Variants in RUFY1 observed in about 807,000 individuals in gnomAD.
The protein encoded by RUFY1 is RUN and FYVE domain containing 1.
Under a neutral mutation model 94.6 loss-of-function variants are expected in RUFY1, and 54 were observed. The observed-to-expected ratio is 0.57, with a 90% confidence interval of 0.46 to 0.72. The LOEUF is 0.72. Ranked by LOEUF, RUFY1 falls within the 30% of genes least tolerant of loss-of-function variation. The pLI is 0.00. For missense variants in RUFY1, 883 were observed against 883.9 expected (o/e 1.00, Z 0.01); for synonymous variants, 396 against 347.3 (o/e 1.14, Z -1.56).
At chr5:179,555,959 A>C (rs1472211292) in intron 1 of RUFY1, among the ~76,000 whole-genome samples, 1 of 152,018 alleles carries the variant, frequency 6.6e-6, no homozygotes, top group Non-Finnish European at 1.5e-5. Flanking sequence ...CGGCCTCCCA[A>C]AGTGCTGGGA....
intron 13 of RUFY1, 105 bp downstream of exon 13, chr5:179,596,786 G>GC (rs1365724970): frequency 2.8e-6 from 1 of 358,052 alleles, no homozygotes; most frequent in East Asian, 9.3e-5. Flanking sequence ...AGGAGGGGGG[G>GC]CGGGGGGGCA....
rs1389773445 is a variant in RUFY1, at chr5:179,562,617, A to G, written c.555A>G (p.Pro185=). The G allele has an allele frequency of 1.9e-6, 3 of 1,610,438 alleles. No homozygotes were observed. Among genetic ancestry groups the G allele is most frequent in the Non-Finnish European group, 2.5e-6 (3 of 1,176,586 alleles). ...TGGAGCTGGTGGAGAAACTTTGTCC[A>G]GAAGCATCAGATATAGCGACTAGTG... ...GPLELVEKLC[P]EASDIATSVR... The change falls in exon 3 of 18, where the codon CCA becomes CCG. Residue 185 remains proline (P), a synonymous_variant. Coordinates refer to ENST00000319449, the MANE Select transcript of RUFY1 (RefSeq NM_025158.5).
At chr5:179,607,509 G>A in intron 16 of RUFY1, 73 bp from the exon 17 acceptor site, 2 of 1,249,250 alleles carry the variant, frequency 1.6e-6, no homozygotes, top group South Asian at 2.4e-5. Context: ...CAATGGATGT[G>A]GCCAGAACGC....
At position 179,609,977 on chromosome 5, in the gene RUFY1, T is replaced by A. The variant is rs1156889254; in HGVS notation, c.*458T>A. The stretch of plus-strand genomic sequence containing the variant: ...GCCATTTCATGCCCTTGTGACTACC[T>A]ATCATTGGCCCTGCAATAAAATCAT... On this transcript the variant is annotated 3_prime_UTR_variant, in exon 18 of 18. Coordinates refer to ENST00000319449, the MANE Select transcript of RUFY1 (RefSeq NM_025158.5). The A allele has an allele frequency of 6.5e-6, 1 of 154,306 alleles. No individual in the cohort carries two copies. Among genetic ancestry groups the A allele is most frequent in the Non-Finnish European group, 1.4e-5 (1 of 69,284 alleles). 9.6% of individuals were successfully genotyped at this position (154,306 alleles called of 1,614,324 possible). A position where few individuals can be genotyped will look rare whatever the true frequency, so the allele number is the denominator to read the frequency against.
intron 5 of RUFY1, among the ~76,000 whole-genome samples, chr5:179,571,170 A>G (rs1227347044): frequency 6.6e-6 from 1 of 152,234 alleles, no homozygotes; most frequent in Non-Finnish European, 1.5e-5. Flanking sequence ...TTATGTAACC[A>G]GTACCTTATT....
intron 5 of RUFY1, among the ~76,000 whole-genome samples, chr5:179,574,832 G>A (rs1230500014): frequency 5.9e-5 from 9 of 152,146 alleles, no homozygotes; most frequent in Non-Finnish European, 1.2e-4. Flanking sequence ...TACTTTGGGA[G>A]TAGGGCTTTA....
intron 2 of RUFY1, 152 bp from the exon 3 acceptor site, chr5:179,562,395 G>A (rs1283387591): frequency 1.6e-6 from 1 of 609,770 alleles, no homozygotes; most frequent in Non-Finnish European, 3.0e-6. Context: ...AGTAGAGTAA[G>A]ACTCCATCTC....
intron 5 of RUFY1, among the ~76,000 whole-genome samples, chr5:179,574,311 C>T (rs2127530685): frequency 6.6e-6 from 1 of 152,268 alleles, no homozygotes; most frequent in South Asian, 2.1e-4. Flanking sequence ...AGGAGAATCG[C>T]TGGAACCTGG....
Position 179,596,578 on chromosome 5 carries a change from C to G in RUFY1, c.1528C>G (p.Arg510Gly). ...QMEERLQHSERARQGAEERSH... is the reference protein window; with the variant it reads ...QMEERLQHSEGARQGAEERSH... ...CGCATCCAGGTTGCAGCACTCGGAG[C>G]GGGCGAGGCAGGGGGCTGAGGAGCG... Residue 510 changes from arginine (R) to glycine (G), a missense_variant, in exon 13 of 18, where the codon CGG becomes GGG. By Grantham distance (125) the Arg-to-Gly change is moderately radical. Transcript: ENST00000319449. 1 of 1,613,598 alleles carries G rather than the reference C, an allele frequency of 6.2e-7. No homozygotes were observed. Among genetic ancestry groups the G allele is most frequent in the Non-Finnish European group, 8.5e-7 (1 of 1,179,970 alleles).
chr5:179,580,735 C>T (rs1048439237), intron 6 of RUFY1, among the ~76,000 whole-genome samples: 2 of 152,030 alleles, frequency 1.3e-5, no homozygotes, highest in African/African-American at 2.4e-5. Flanking sequence ...AGCCCACTCT[C>T]CTGGCAGCCT....
chr5:179,607,788 G>T, intron 17 of RUFY1, 129 bp downstream of exon 17: 1 of 755,236 alleles, frequency 1.3e-6, no homozygotes, highest in Non-Finnish European at 2.2e-6. Context: ...TGTGGCAGAT[G>T]GGCAGCCCCG....
chr5:179,552,171 A>AAAAAAAC (rs1392392133), intron 1 of RUFY1, among the ~76,000 whole-genome samples: 3 of 147,308 alleles, frequency 2.0e-5, no homozygotes, highest in African/African-American at 7.7e-5. Flanking sequence ...TCTCAAAAAA[A>AAAAAAAC]AAAAAAAAAA....
At chr5:179,563,503 A>G (rs1479437442) in intron 3 of RUFY1, among the ~76,000 whole-genome samples, 2 of 152,206 alleles carry the variant, frequency 1.3e-5, no homozygotes, top group Non-Finnish European at 2.9e-5. Context: ...AAGAGGACAC[A>G]GGTCTGTTAT....
chr5:179,594,169 G>C (rs950113631), intron 11 of RUFY1, among the ~76,000 whole-genome samples: 4 of 151,952 alleles, frequency 2.6e-5, no homozygotes, highest in African/African-American at 9.7e-5. Context: ...GGGCATGGAG[G>C]TGCACGCCTC....
At chr5:179,559,537 G>C (rs536238312) in intron 1 of RUFY1, among the ~76,000 whole-genome samples, 9 of 152,314 alleles carry the variant, frequency 5.9e-5, no homozygotes, top group Admixed American at 3.3e-4. Context: ...TCCTCCGTCC[G>C]GGACAGAGGG....
chr5:179,598,847 A>T, intron 14 of RUFY1, 26 bp downstream of exon 14: 1 of 1,613,486 alleles, frequency 6.2e-7, no homozygotes, highest in Non-Finnish European at 8.5e-7. Flanking sequence ...CCGGGAGAGG[A>T]GAGCCTCTGG....
Position 179,562,540 on chromosome 5 carries a change from C to G in RUFY1, c.485-7C>G, listed in dbSNP as rs752604845. On this transcript the variant is annotated splice_region_variant and splice_polypyrimidine_tract_variant and intron_variant, in intron 2 of 17. Coordinates refer to ENST00000319449, the MANE Select transcript of RUFY1 (RefSeq NM_025158.5). ...CTTATGAATAACACTTTTGTTTTTCCTTTTAGTTAAGAAGAGTTTTATTGG... is the reference window on the plus strand; with the variant it reads ...CTTATGAATAACACTTTTGTTTTTCGTTTTAGTTAAGAAGAGTTTTATTGG... 3.2e-6 allele frequency: 5 copies of G among 1,555,344 alleles called. No homozygotes were observed. In the African/African-American group the frequency reaches 6.8e-5, roughly 21 times the overall value.
rs140915806 is a variant in RUFY1 at position 179,571,020 on chromosome 5, A to C, written c.828+1595A>C. On this transcript the variant is annotated intron_variant, in intron 5 of 17. Coordinates refer to ENST00000319449, the MANE Select transcript of RUFY1 (RefSeq NM_025158.5). ...AGATGTTCGAAGGGTTTCTTTTTTT[A>C]TGAAACCAAACTATGATTATTTTAA... 4.3e-3 allele frequency among the ~76,000 whole-genome samples: 662 copies of C among 152,296 alleles called. 5 individuals are homozygous for C. The highest frequency in any genetic ancestry group is 6.9e-3 in the Non-Finnish European group (468 of 68,032).
rs369772857 is a variant in RUFY1, at chr5:179,582,419, G to T, written c.956+1407G>T. Reference sequence around the variant, plus strand: ...TTTTTGTATTTTTTGTAGAGACAGGGTCTCACTTTGTTGCCCAAGGTGGTC... The same window carrying T: ...TTTTTGTATTTTTTGTAGAGACAGGTTCTCACTTTGTTGCCCAAGGTGGTC... On this transcript the variant is annotated intron_variant, in intron 7 of 17. Coordinates refer to ENST00000319449, the MANE Select transcript of RUFY1 (RefSeq NM_025158.5). Among the ~76,000 whole-genome samples, 69 of 152,150 alleles carry T rather than the reference G, an allele frequency of 4.5e-4. 1 individual carries two copies. The South Asian group carries it at 8.5e-3, about 19-fold the overall frequency.
Sources: allele counts gnomAD v4.1 joint callset (sites outside exome capture counted in the v4.1 genomes callset), GRCh38; gene constraint gnomAD v4.1.1; transcripts MANE v1.5; gene names NCBI Gene and HGNC (gene_info 2026-07-23, HGNC 2026-07-21).